Variants in CNTN1 observed in about 807,000 individuals in gnomAD.
CNTN1 encodes contactin 1.
In CNTN1, 38 loss-of-function variants were observed where a neutral mutation model predicts 126.4. The ratio of observed to expected loss-of-function variants is 0.30; its 90% CI spans 0.23 to 0.39. The LOEUF is 0.39. Among genes scored for constraint, CNTN1 ranks in the 10% least tolerant of loss-of-function variants. The pLI, the probability that CNTN1 is intolerant of heterozygous loss-of-function variation, is 1.00. For synonymous variants in CNTN1, 413 were observed against 422.6 expected (o/e 0.98, Z 0.28); for missense variants, 1,009 against 1,248.4 (o/e 0.81, Z 2.89).
At chr12:40,780,919 C>A (rs903088625) in intron 1 of CNTN1, among the ~76,000 whole-genome samples, 3 of 147,404 alleles carry the variant, frequency 2.0e-5, no homozygotes, top group African/African-American at 7.5e-5. Flanking sequence ...TGATGGAAAT[C>A]TTTTTTTTTT....
intron 1 of CNTN1, among the ~76,000 whole-genome samples, chr12:40,899,136 G>A (rs911999423): frequency 2.6e-5 from 4 of 152,200 alleles, no homozygotes; most frequent in African/African-American, 9.7e-5. Context: ...ATGCTTATAT[G>A]TGAGAGCAAA....
chr12:40,784,265 T>A (rs887752039), intron 1 of CNTN1, among the ~76,000 whole-genome samples: 1 of 152,156 alleles, frequency 6.6e-6, no homozygotes, highest in Non-Finnish European at 1.5e-5. Context: ...AATGTGAAAC[T>A]TGCACCTGTG....
chr12:40,732,457 C>T (rs1592024417), intron 1 of CNTN1, among the ~76,000 whole-genome samples: 1 of 152,076 alleles, frequency 6.6e-6, no homozygotes, highest in Middle Eastern at 3.4e-3. Context: ...CCAAAATTCT[C>T]AAATTTCAAA....
chr12:41,022,250 CAT>C (rs1948931229), intron 20 of CNTN1, among the ~76,000 whole-genome samples: 1 of 152,064 alleles, frequency 6.6e-6, no homozygotes, highest in African/African-American at 2.4e-5. Flanking sequence ...AGGATTTTCA[CAT>C]AGTCAGTAAA....
chr12:40,700,655 T>A (rs1941572171), intron 1 of CNTN1, among the ~76,000 whole-genome samples: 1 of 152,204 alleles, frequency 6.6e-6, no homozygotes, highest in Non-Finnish European at 1.5e-5. Context: ...GTCAAATGCA[T>A]TTTTTAGGAA....
chr12:41,002,269 G>T lies in CNTN1; in HGVS notation c.2113+9000G>T, dbSNP rs556990773. On this transcript the variant is annotated intron_variant, in intron 17 of 23. Transcript: ENST00000551295. ...TAGTATTGATGCTTTCTATCCACGA[G>T]CATGGAATGTTTTTCCATTTGTTTG... Among the ~76,000 whole-genome samples, 5 of 152,020 alleles carry T rather than the reference G, an allele frequency of 3.3e-5. No homozygotes were observed. In the East Asian group the frequency reaches 7.7e-4, roughly 23 times the overall value.
chr12:40,948,258 CTTT>C (rs58087551), intron 14 of CNTN1, among the ~76,000 whole-genome samples: 18 of 62,690 alleles, frequency 2.9e-4, no homozygotes, highest in Admixed American at 2.5e-4. Flanking sequence ...TTCTTTCTTT[CTTT>C]TTTTTTTTTT....
chr12:40,911,368 C>T (rs1201061274), intron 3 of CNTN1, among the ~76,000 whole-genome samples: 1 of 152,180 alleles, frequency 6.6e-6, no homozygotes. Flanking sequence ...GCGTGAGCCA[C>T]CGTGCCCGGC....
At chr12:40,937,749 T>A in intron 11 of CNTN1, 62 bp downstream of exon 11, 2 of 978,142 alleles carry the variant, frequency 2.0e-6, no homozygotes, top group Non-Finnish European at 3.3e-6. Flanking sequence ...TCACACAAAA[T>A]GTTTATTGAG....
At chr12:40,700,010 C>T (rs973468489) in intron 1 of CNTN1, among the ~76,000 whole-genome samples, 3 of 152,142 alleles carry the variant, frequency 2.0e-5, no homozygotes, top group Admixed American at 1.3e-4. Flanking sequence ...AGGGTTTTTA[C>T]TTAGATTTTT....
intron 15 of CNTN1, among the ~76,000 whole-genome samples, chr12:40,959,883 A>G (rs1947046518): frequency 6.6e-6 from 1 of 152,052 alleles, no homozygotes; most frequent in East Asian, 1.9e-4. Context: ...TTTTGCACCC[A>G]AGAAGTACCA....
At chr12:41,049,790 A>G (rs11179609) in intron 23 of CNTN1, among the ~76,000 whole-genome samples, 36,306 of 152,148 alleles carry the variant, frequency 0.24, 4,444 homozygotes, top group Middle Eastern at 0.29. Context: ...CTGGGTCACT[A>G]CCATTAACTC....
intron 17 of CNTN1, among the ~76,000 whole-genome samples, chr12:41,009,776 G>T (rs963956478): frequency 6.6e-6 from 1 of 152,152 alleles, no homozygotes; most frequent in Non-Finnish European, 1.5e-5. Flanking sequence ...AAAGAAGTGG[G>T]ATCCTTAAGA....
chr12:40,874,314 T>C (rs1274510950), intron 1 of CNTN1, among the ~76,000 whole-genome samples: 1 of 152,026 alleles, frequency 6.6e-6, no homozygotes, highest in Non-Finnish European at 1.5e-5. Context: ...TATTAGGAAA[T>C]ACTTCAGATA....
At chr12:41,002,715 G>A (rs530943109) in intron 17 of CNTN1, among the ~76,000 whole-genome samples, 19 of 151,698 alleles carry the variant, frequency 1.3e-4, no homozygotes, top group Non-Finnish European at 1.3e-4. Flanking sequence ...CTACCACCAC[G>A]CTCGGCTAAT....
rs970464912 is a variant in CNTN1 at position 41,071,727 on chromosome 12, A to G, written c.*1692A>G. 2 of 152,216 alleles carry G rather than the reference A, an allele frequency of 1.3e-5. No homozygotes were observed. Among genetic ancestry groups the G allele is most frequent in the Non-Finnish European group, 2.9e-5 (2 of 68,018 alleles). 9.4% of individuals were successfully genotyped at this position (152,216 alleles called of 1,614,324 possible). A position where few individuals can be genotyped will look rare whatever the true frequency, so the allele number is the denominator to read the frequency against. The stretch of plus-strand genomic sequence containing the variant: ...CCAGTGGAAGTATGTCAACAGTCTT[A>G]AGATCATTGCCAGATTTCATAAAAT... On this transcript the variant is annotated 3_prime_UTR_variant, in exon 24 of 24. Coordinates refer to ENST00000551295, the MANE Select transcript of CNTN1 (RefSeq NM_001843.4).
intron 1 of CNTN1, among the ~76,000 whole-genome samples, chr12:40,804,145 T>C (rs1214830603): frequency 6.6e-6 from 1 of 152,050 alleles, no homozygotes; most frequent in Non-Finnish European, 1.5e-5. Flanking sequence ...TAGACTTTTT[T>C]CTGGAAGTTA....
intron 17 of CNTN1, among the ~76,000 whole-genome samples, chr12:41,012,246 A>T (rs1172524712): frequency 6.6e-6 from 1 of 152,232 alleles, no homozygotes; most frequent in Non-Finnish European, 1.5e-5. Flanking sequence ...GAACAAGGGC[A>T]GGGAGAGATG....
At chr12:40,746,679 G>A (rs1938198495) in intron 1 of CNTN1, among the ~76,000 whole-genome samples, 1 of 152,038 alleles carries the variant, frequency 6.6e-6, no homozygotes, top group South Asian at 2.1e-4. Context: ...CATGCACGGT[G>A]GTCTGCTAAC....
Sources: gnomAD v4.1 joint callset for allele counts (sites outside exome capture counted in the v4.1 genomes callset) on GRCh38, gnomAD v4.1.1 for gene constraint, MANE v1.5 for transcripts, NCBI Gene and HGNC (gene_info 2026-07-23, HGNC 2026-07-21) for gene names.